TTLL11: variants seen among roughly 807,000 people sequenced by gnomAD.
TTLL11 encodes tubulin tyrosine ligase like 11.
Under a neutral mutation model 51.7 loss-of-function variants are expected in TTLL11, and 42 were observed. The observed-to-expected ratio is 0.81, with a 90% CI of 0.64 to 1.05. The LOEUF (loss-of-function observed/expected upper bound fraction) is 1.05, where lower values mean the gene tolerates loss of function less well. Ranked by LOEUF, TTLL11 falls within the 50% of genes least tolerant of loss-of-function variation. The probability of loss-of-function intolerance (pLI) is 0.00; values close to 1 mark genes in which losing one functional copy is unlikely to be tolerated. For missense variants in TTLL11, 799 were observed against 940.4 expected (o/e 0.85, Z 1.97); for synonymous variants, 381 against 383.5 (o/e 0.99, Z 0.08).
At chr9:122,071,618 G>A (rs1448732742) in intron 1 of TTLL11, among the ~76,000 whole-genome samples, 4 of 152,114 alleles carry the variant, frequency 2.6e-5, no homozygotes, top group African/African-American at 9.7e-5. Context: ...CCAGCCCCTA[G>A]GTGCAGCACG....
chr9:121,894,641 C>T (rs1282135773), intron 6 of TTLL11, among the ~76,000 whole-genome samples: 3 of 152,110 alleles, frequency 2.0e-5, no homozygotes, highest in Non-Finnish European at 4.4e-5. Context: ...AGCAAACTAA[C>T]ACAGGAACAG....
intron 6 of TTLL11, among the ~76,000 whole-genome samples, chr9:121,877,618 C>T (rs1838615878): frequency 6.6e-6 from 1 of 152,136 alleles, no homozygotes; most frequent in Non-Finnish European, 1.5e-5. Flanking sequence ...AACATATCAT[C>T]GACAGCAACA....
At chr9:121,918,658 C>G (rs1840424398) in intron 6 of TTLL11, among the ~76,000 whole-genome samples, 1 of 152,194 alleles carries the variant, frequency 6.6e-6, no homozygotes, top group Non-Finnish European at 1.5e-5. Flanking sequence ...CATTTCTTCT[C>G]TGACCCATCT....
intron 8 of TTLL11, among the ~76,000 whole-genome samples, chr9:121,851,675 G>A (rs888722114): frequency 4.6e-5 from 7 of 152,220 alleles, no homozygotes; most frequent in Non-Finnish European, 7.4e-5. Context: ...CCCCTAACCC[G>A]TCCCATCCTT....
At chr9:121,982,946 T>C (rs1588174870) in intron 4 of TTLL11, among the ~76,000 whole-genome samples, 1 of 151,478 alleles carries the variant, frequency 6.6e-6, no homozygotes, top group African/African-American at 2.4e-5. Flanking sequence ...CATTGGAGGG[T>C]TTCAGTGAGG....
At chr9:121,934,598 C>A (rs190772096) in intron 6 of TTLL11, among the ~76,000 whole-genome samples, 4 of 152,288 alleles carry the variant, frequency 2.6e-5, no homozygotes, top group Admixed American at 6.5e-5. Flanking sequence ...AACATGTCTA[C>A]AAATGTCCAA....
chr9:121,837,465 A>G (rs1170962314), intron 8 of TTLL11, among the ~76,000 whole-genome samples: 2 of 152,066 alleles, frequency 1.3e-5, no homozygotes, highest in Non-Finnish European at 1.5e-5. Flanking sequence ...TCAGGGTGTT[A>G]GGGAACAGAG....
chr9:122,011,497 A>AT (rs1380794277), intron 3 of TTLL11, among the ~76,000 whole-genome samples: 2 of 152,194 alleles, frequency 1.3e-5, no homozygotes, highest in African/African-American at 4.8e-5. Flanking sequence ...GTCAATATAT[A>AT]AAAAATTACA....
At chr9:121,845,143 C>T (rs1837480467) in intron 8 of TTLL11, among the ~76,000 whole-genome samples, 1 of 152,054 alleles carries the variant, frequency 6.6e-6, no homozygotes, top group African/African-American at 2.4e-5. Flanking sequence ...AATACCTTAC[C>T]TATACAGGTA....
chr9:121,854,400 C>T (rs755293949), intron 8 of TTLL11, among the ~76,000 whole-genome samples: 16 of 152,152 alleles, frequency 1.1e-4, no homozygotes, highest in Non-Finnish European at 1.8e-4. Flanking sequence ...GGGAAGGGGA[C>T]GTGGGGAAGA....
chr9:121,868,077 G>A (rs1436812051), intron 7 of TTLL11, among the ~76,000 whole-genome samples: 1 of 152,124 alleles, frequency 6.6e-6, no homozygotes, highest in Non-Finnish European at 1.5e-5. Flanking sequence ...TGAGTCTTCT[G>A]TGTGATGGTG....
At chr9:122,043,108 T>C (rs1204836861) in intron 1 of TTLL11, among the ~76,000 whole-genome samples, 1 of 152,156 alleles carries the variant, frequency 6.6e-6, no homozygotes, top group African/African-American at 2.4e-5. Context: ...GACATGTCAG[T>C]GTAGTTTCAT....
chr9:121,984,744 A>G (rs564592561), intron 4 of TTLL11, among the ~76,000 whole-genome samples: 1 of 152,352 alleles, frequency 6.6e-6, no homozygotes, highest in African/African-American at 2.4e-5. Flanking sequence ...CAAGGAGATA[A>G]TTAGATACAG....
chr9:121,888,015 C>A (rs1176646624), intron 6 of TTLL11, among the ~76,000 whole-genome samples: 3 of 152,164 alleles, frequency 2.0e-5, no homozygotes, highest in African/African-American at 7.2e-5. Context: ...CACTCTTAAA[C>A]CCTCTTTGCT....
In TTLL11 at chr9:121,870,805, T is replaced by C. The variant is rs1234180118; in HGVS notation, c.1482-57A>G. ...CTTTCCCTTTCAGTTTCTCCTTTAC[T>C]TGAGATTTACAGCCTCCTCGGGAGG... On this transcript the variant is annotated intron_variant, in intron 6 of 8. Transcript: ENST00000321582. The C allele has an allele frequency of 4.1e-6, 6 of 1,471,062 alleles. No individual in the cohort carries two copies. In the East Asian group the frequency reaches 7.5e-5, roughly 18 times the overall value. 91.1% of individuals were successfully genotyped at this position (1,471,062 alleles called of 1,614,324 possible).
chr9:121,993,409 C>T (rs1843168402), intron 3 of TTLL11, among the ~76,000 whole-genome samples: 1 of 152,094 alleles, frequency 6.6e-6, no homozygotes, highest in African/African-American at 2.4e-5. Flanking sequence ...GGATTTTAGT[C>T]CCAATTGTTT....
intron 6 of TTLL11, among the ~76,000 whole-genome samples, chr9:121,871,663 C>T (rs1191002359): frequency 2.6e-5 from 4 of 152,214 alleles, no homozygotes; most frequent in African/African-American, 9.7e-5. Flanking sequence ...CTTGCTAAAA[C>T]CACTGAGGAC....
intron 4 of TTLL11, among the ~76,000 whole-genome samples, chr9:121,984,354 A>G (rs1379978664): frequency 6.6e-6 from 1 of 152,222 alleles, no homozygotes; most frequent in Admixed American, 6.5e-5. Context: ...TAAACATAAA[A>G]ACTGTCATTT....
At chr9:122,067,177 C>T (rs1395690133) in intron 1 of TTLL11, among the ~76,000 whole-genome samples, 2 of 152,154 alleles carry the variant, frequency 1.3e-5, no homozygotes, top group African/African-American at 4.8e-5. Flanking sequence ...GAACCCATCC[C>T]CTTCTTTGTT....
Sources: allele counts gnomAD v4.1 joint callset (sites outside exome capture counted in the v4.1 genomes callset), GRCh38; gene constraint gnomAD v4.1.1; transcripts MANE v1.5; gene names NCBI Gene and HGNC (gene_info 2026-07-23, HGNC 2026-07-21).